Variants in METTL4 observed in about 807,000 individuals in gnomAD.
METTL4 encodes the protein methyltransferase 4, N6-adenosine.
In METTL4, 40 loss-of-function variants were observed where a neutral mutation model predicts 54.0. The observed-to-expected ratio is 0.74, with a 90% CI of 0.58 to 0.96. METTL4 has a LOEUF of 0.96. METTL4 is among the 50% of genes least tolerant of loss of function. The pLI is 0.00. For missense variants in METTL4, 525 were observed against 549.0 expected, an observed-to-expected ratio of 0.96 and a Z score of 0.44; for synonymous variants, 169 against 183.8, an observed-to-expected ratio of 0.92 and a Z score of 0.65.
chr18:2,554,566 T>C lies in METTL4; in HGVS notation c.829+103A>G, dbSNP rs2072208448. 3.9e-6 allele frequency: 4 copies of C among 1,021,712 alleles called. No homozygotes were observed. In the South Asian group the frequency reaches 4.3e-5, roughly 11 times the overall value. The allele number at this position is 1,021,712 out of a possible 1,614,324, so 63.3% of individuals were successfully genotyped here. ...AACCCAAGGAAAAGTGTCTACCCTATCCTCATAAATGCTGACCCATCTTCA... is the reference window on the plus strand; with the variant it reads ...AACCCAAGGAAAAGTGTCTACCCTACCCTCATAAATGCTGACCCATCTTCA... On this transcript the variant is annotated intron_variant, in intron 4 of 8. Transcript: ENST00000574538.
At chr18:2,546,761 G>A (rs1161490139) in intron 6 of METTL4, among the ~76,000 whole-genome samples, 1 of 152,132 alleles carries the variant, frequency 6.6e-6, no homozygotes, top group Non-Finnish European at 1.5e-5. Context: ...CTTGTAGCAT[G>A]CAGAGATATT....
At chr18:2,551,030 A>G (rs970024513) in intron 5 of METTL4, among the ~76,000 whole-genome samples, 96 of 151,092 alleles carry the variant, frequency 6.4e-4, no homozygotes, top group African/African-American at 1.5e-3. Flanking sequence ...CGGGCGTGGT[A>G]GCGGGCGCCT....
At chr18:2,565,144 T>C (rs186313386) in intron 2 of METTL4, among the ~76,000 whole-genome samples, 390 of 152,036 alleles carry the variant, frequency 2.6e-3, no homozygotes, top group South Asian at 4.2e-3. Context: ...CCGGGTATGG[T>C]GGTGGACACA....
At chr18:2,552,555 A>G (rs1472601190) in intron 5 of METTL4, 140 bp downstream of exon 5, 2 of 621,246 alleles carry the variant, frequency 3.2e-6, no homozygotes, top group East Asian at 2.8e-5. Context: ...AGTTAAGGAA[A>G]TTAAGCTGTT....
Position 2,554,910 on chromosome 18 carries a change from G to T in METTL4, c.588C>A (p.Cys196Ter), listed in dbSNP as rs762426498. Residue 196 changes from cysteine (C) to a stop codon, truncating the protein, a stop_gained, in exon 4 of 9, where the codon TGC (cysteine) becomes TGA (stop). Coordinates refer to ENST00000574538, the MANE Select transcript of METTL4 (RefSeq NM_022840.5). LOFTEE classifies it high-confidence loss of function. The part of the protein sequence containing the change: ...SKPITLPLDA[C>*]SLSELCEMAK... The stretch of plus-strand genomic sequence containing the variant: ...CCATTTCACATAATTCTGACAAACT[G>T]CAGGCGTCAAGTGGTAAAGTAATGG... The T allele has an allele frequency of 9.9e-6, 16 of 1,614,014 alleles. No homozygotes were observed. In the South Asian group the frequency reaches 1.8e-4, roughly 18 times the overall value.
In METTL4 at chr18:2,550,651, A is replaced by T. The variant is rs1156712091; in HGVS notation, c.899+2044T>A. On this transcript the variant is annotated intron_variant, in intron 5 of 8. Transcript: ENST00000574538. ...CCACCCATAGGATCAAAAATTTGCT[A>T]AACTAACAAAACTTACTGAAAGCTT... is the stretch of plus-strand genomic sequence containing the variant. Among the ~76,000 whole-genome samples the T allele has an allele frequency of 2.6e-5, 4 of 152,360 alleles. No individual in the cohort carries two copies. The East Asian group carries it at 7.7e-4, about 29-fold the overall frequency.
intron 8 of METTL4, chr18:2,540,913 T>C: frequency 1.0e-6 from 1 of 985,392 alleles, no homozygotes; most frequent in South Asian, 4.7e-5. Context: ...TTTCCTCTTC[T>C]GAGCACCCAC....
intron 4 of METTL4, chr18:2,554,341 G>A (rs1025803847): frequency 4.6e-6 from 1 of 215,092 alleles, no homozygotes; most frequent in Non-Finnish European, 8.9e-6. Flanking sequence ...ATTCATAACT[G>A]AAGTGTTTCT....
intron 5 of METTL4, among the ~76,000 whole-genome samples, chr18:2,547,763 A>G (rs1349652724): frequency 6.6e-6 from 1 of 152,088 alleles, no homozygotes; most frequent in Non-Finnish European, 1.5e-5. Flanking sequence ...TTTTTTAGTC[A>G]CTTCTAAATG....
chr18:2,561,357 T>C (rs915818071), intron 3 of METTL4: 3 of 152,148 alleles, frequency 2.0e-5, no homozygotes, highest in Non-Finnish European at 4.4e-5. Flanking sequence ...TTACTACAAC[T>C]TAACAAGAAA....
At chr18:2,549,850 C>T (rs1033161133) in intron 5 of METTL4, among the ~76,000 whole-genome samples, 2 of 131,106 alleles carry the variant, frequency 1.5e-5, no homozygotes, top group Non-Finnish European at 3.4e-5. Flanking sequence ...AAAAATTAGC[C>T]GGGTGTGGTG....
chr18:2,537,751 C>A lies in METTL4; in HGVS notation c.*1249G>T. ...TTTTACTTAGTGGATAAATATTTGT[C>A]AACAATCTGTAAATAGTATAAATGC... is the stretch of plus-strand genomic sequence containing the variant. On this transcript the variant is annotated 3_prime_UTR_variant, in exon 9 of 9. Coordinates refer to ENST00000574538, the MANE Select transcript of METTL4 (RefSeq NM_022840.5). 5.0e-6 allele frequency: 2 copies of A among 396,900 alleles called. No homozygotes were observed. Among genetic ancestry groups the A allele is most frequent in the South Asian group, 2.7e-4 (2 of 7,344 alleles). 24.6% of individuals were successfully genotyped at this position (396,900 alleles called of 1,614,324 possible).
At chr18:2,555,292 A>C in intron 3 of METTL4, 2 of 445,368 alleles carry the variant, frequency 4.5e-6, no homozygotes, top group Non-Finnish European at 8.0e-6. Context: ...ATCCTCAAAC[A>C]TGTATAAGGT....
At position 2,537,632 on chromosome 18, in the gene METTL4, A is replaced by G; in HGVS notation, c.*1368T>C. On this transcript the variant is annotated 3_prime_UTR_variant, in exon 9 of 9. Coordinates refer to ENST00000574538, the MANE Select transcript of METTL4 (RefSeq NM_022840.5). ...TAAGCCTCTGATACTATACTCACAC[A>G]CTCAAAGGATGAACAAACTTCAAAA... 2.8e-6 allele frequency: 1 copy of G among 360,416 alleles called. No individual in the cohort carries two copies. 22.3% of individuals were successfully genotyped at this position (360,416 alleles called of 1,614,324 possible).
intron 5 of METTL4, among the ~76,000 whole-genome samples, chr18:2,550,970 C>A (rs2072147205): frequency 6.6e-6 from 1 of 151,728 alleles, no homozygotes; most frequent in African/African-American, 2.4e-5. Flanking sequence ...CGAGACCATC[C>A]TGGCTAACAT....
intron 4 of METTL4, chr18:2,554,403 T>C: frequency 2.8e-6 from 1 of 361,928 alleles, no homozygotes. Flanking sequence ...TAAACACAAC[T>C]GCATACCGAA....
At chr18:2,546,250 C>G (rs2677880) in intron 6 of METTL4, among the ~76,000 whole-genome samples, 64,846 of 151,880 alleles carry the variant, frequency 0.43, 14,007 homozygotes, top group Middle Eastern at 0.48. Flanking sequence ...CAACCACAGT[C>G]CAGAGATAGG....
chr18:2,556,308 A>G (rs948819002), intron 3 of METTL4, among the ~76,000 whole-genome samples: 1 of 152,142 alleles, frequency 6.6e-6, no homozygotes, highest in Admixed American at 6.5e-5. Flanking sequence ...ATTGGGAAAA[A>G]AAAAAATAGC....
At chr18:2,545,901 T>C (rs1260004298) in intron 6 of METTL4, among the ~76,000 whole-genome samples, 1 of 152,160 alleles carries the variant, frequency 6.6e-6, no homozygotes, top group Admixed American at 6.5e-5. Flanking sequence ...GGTCTTATCA[T>C]ACCATCTCTT....
Sources: allele counts gnomAD v4.1 joint callset (sites outside exome capture counted in the v4.1 genomes callset), GRCh38; gene constraint gnomAD v4.1.1; transcripts MANE v1.5; gene names NCBI Gene and HGNC (gene_info 2026-07-23, HGNC 2026-07-21).